LOXHD1: variants seen among roughly 807,000 people sequenced by gnomAD.
LOXHD1 encodes lipoxygenase homology PLAT domains 1, also known as lipoxygenase homology domain-containing protein 1.
Under a neutral mutation model 248.2 loss-of-function variants are expected in LOXHD1, and 205 were observed. That is an observed-to-expected ratio of 0.83 (90% CI 0.74 to 0.93). The LOEUF (loss-of-function observed/expected upper bound fraction) is 0.93, where lower values mean the gene tolerates loss of function less well. LOXHD1 is among the 40% of genes least tolerant of loss of function. The probability of loss-of-function intolerance (pLI) is 0.00; values close to 1 mark genes in which losing one functional copy is unlikely to be tolerated. For synonymous variants in LOXHD1, 1,113 were observed against 1,162.8 expected, an observed-to-expected ratio of 0.96 and a Z score of 0.87; for missense variants, 2,930 against 2,971.6, an observed-to-expected ratio of 0.99 and a Z score of 0.33.
Position 46,656,922 on chromosome 18 carries a change from C to CGTG in LOXHD1, c.109_111dup (p.His37dup). 1 of 1,551,584 alleles carries CGTG rather than the reference C, an allele frequency of 6.4e-7. No individual in the cohort carries two copies. Among genetic ancestry groups the CGTG allele is most frequent in the Non-Finnish European group, 8.7e-7 (1 of 1,146,910 alleles). ...CCCGCACCTCTGGCCTTGTAGTACTCGTGTTCCAGCTCCCCCTCGTCGTCC... is the reference window on the plus strand; with the variant it reads ...CCCGCACCTCTGGCCTTGTAGTACTCGTGGTGTTCCAGCTCCCCCTCGTCGTCC... On this transcript the variant is annotated inframe_insertion, in exon 1 of 41. Coordinates refer to ENST00000642948, the MANE Select transcript of LOXHD1 (RefSeq NM_001384474.1).
Position 46,488,997 on chromosome 18 carries a change from CTTG to C in LOXHD1, c.6021_6023del (p.Asn2007del), listed in dbSNP as rs1368964620. 5.2e-6 allele frequency: 8 copies of C among 1,551,562 alleles called. No homozygotes were observed. Among genetic ancestry groups the C allele is most frequent in the South Asian group, 4.8e-5 (4 of 84,054 alleles). ...TGGTCTCTTCCAGCTCATCACAGAT[CTTG>C]TTGTTGGCACAGGCAAAGTCGCGGA... On this transcript the variant is annotated inframe_deletion, in exon 38 of 41. Coordinates refer to ENST00000642948, the MANE Select transcript of LOXHD1 (RefSeq NM_001384474.1).
intron 18 of LOXHD1, 146 bp from the exon 19 acceptor site, chr18:46,560,691 T>TCCA (rs1332533289): frequency 1.4e-6 from 1 of 727,158 alleles, no homozygotes; most frequent in East Asian, 2.7e-5. Context: ...CTCAGATCCT[T>TCCA]CCACCACCTC....
intron 8 of LOXHD1, among the ~76,000 whole-genome samples, 193 bp from the exon 9 acceptor site, chr18:46,594,659 G>A (rs2038231025): frequency 6.6e-6 from 1 of 152,090 alleles, no homozygotes; most frequent in Non-Finnish European, 1.5e-5. Flanking sequence ...TTCCAAAGTA[G>A]GTATCACCCA....
In LOXHD1 at chr18:46,604,154, C is replaced by T. The variant is rs994373668; in HGVS notation, c.835G>A (p.Asp279Asn). 22 of 1,551,740 alleles carry T rather than the reference C, an allele frequency of 1.4e-5. No homozygotes were observed. Among genetic ancestry groups the T allele is most frequent in the Non-Finnish European group, 1.8e-5 (21 of 1,146,996 alleles). The stretch of plus-strand genomic sequence containing the variant: ...AAGATATCCCTTTGGATTTTGCCAT[C>T]GTCTTCGTCCAAGGCCAGCCAGCGG... ...LNRWLALDED[D>N]GKIQRDILVG... is the part of the protein sequence containing the mutation. The change falls in exon 7 of 41, where the codon GAT becomes AAT. Residue 279 changes from aspartate to asparagine, a missense_variant. Transcript: ENST00000642948.
intron 1 of LOXHD1, among the ~76,000 whole-genome samples, chr18:46,653,529 A>G (rs745588134): frequency 4.6e-5 from 7 of 152,346 alleles, no homozygotes; most frequent in Non-Finnish European, 8.8e-5. Flanking sequence ...TGTGGAGGAC[A>G]CAGAATTCTG....
At chr18:46,578,842 A>T (rs1042708817) in intron 13 of LOXHD1, among the ~76,000 whole-genome samples, 3 of 152,192 alleles carry the variant, frequency 2.0e-5, no homozygotes, top group African/African-American at 4.8e-5. Context: ...ACAACAGCCC[A>T]CCACAGGTAG....
intron 4 of LOXHD1, among the ~76,000 whole-genome samples, chr18:46,633,876 C>T (rs1475103482): frequency 6.6e-6 from 1 of 152,220 alleles, no homozygotes; most frequent in Non-Finnish European, 1.5e-5. Context: ...AGATTCTCAA[C>T]ATCACTAATC....
intron 37 of LOXHD1, among the ~76,000 whole-genome samples, chr18:46,503,226 A>T (rs932363169): frequency 1.3e-5 from 2 of 152,184 alleles, no homozygotes; most frequent in Admixed American, 1.3e-4. Context: ...GCAGGGACAT[A>T]GTTCTTGGGA....
At chr18:46,582,613 T>C (rs1321791587) in intron 12 of LOXHD1, among the ~76,000 whole-genome samples, 1 of 152,164 alleles carries the variant, frequency 6.6e-6, no homozygotes, top group Non-Finnish European at 1.5e-5. Context: ...TTAAATGTAT[T>C]ACATTAAATT....
rs1196639158 is a variant in LOXHD1, at chr18:46,647,625, C to T, written c.245+1530G>A. 5.9e-5 allele frequency among the ~76,000 whole-genome samples: 9 copies of T among 152,158 alleles called. No homozygotes were observed. In the South Asian group the frequency reaches 1.0e-3, roughly 18 times the overall value. The stretch of plus-strand genomic sequence containing the variant: ...CATCGGACGGAAAGACTTCTGCAAG[C>T]GAGTCAAACTGCAGTGTAAGCGGTA... On this transcript the variant is annotated intron_variant, in intron 2 of 40. Coordinates refer to ENST00000642948, the MANE Select transcript of LOXHD1 (RefSeq NM_001384474.1).
In LOXHD1 at chr18:46,529,319, G is replaced by A. The variant is rs761031932; in HGVS notation, c.4388C>T (p.Ser1463Leu). ...AATGTTCCCTGTGAAGATCTGCACC[G>A]AGTACAGCACAACTGGGCAGGTGGT... ...VEEPLDIVLYSVQIFTGNIPG... is the reference protein window; with the variant it reads ...VEEPLDIVLYLVQIFTGNIPG... The change falls in exon 29 of 41, where the codon TCG becomes TTG. Residue 1463 changes from serine to leucine, a missense_variant. Ser to Leu is a moderately radical substitution (Grantham distance 145). Coordinates refer to ENST00000642948, the MANE Select transcript of LOXHD1 (RefSeq NM_001384474.1). 8.4e-6 allele frequency: 13 copies of A among 1,547,452 alleles called. No individual in the cohort carries two copies. The highest frequency in any genetic ancestry group is 4.9e-5 in the East Asian group (2 of 40,800).
chr18:46,588,185 G>A (rs1421950415), intron 12 of LOXHD1, among the ~76,000 whole-genome samples: 1 of 151,924 alleles, frequency 6.6e-6, no homozygotes, highest in African/African-American at 2.4e-5. Context: ...ACTTGTAGAG[G>A]TGAGTGAGGA....
intron 3 of LOXHD1, among the ~76,000 whole-genome samples, chr18:46,641,098 A>G (rs568683770): frequency 6.6e-6 from 1 of 151,784 alleles, no homozygotes; most frequent in Admixed American, 6.6e-5. Flanking sequence ...TCTCCCCTGC[A>G]AGAGCCCTTT....
At chr18:46,639,831 C>G (rs750978640) in intron 3 of LOXHD1, 31 bp from the exon 4 acceptor site, 10 of 1,551,222 alleles carry the variant, frequency 6.4e-6, no homozygotes, top group African/African-American at 1.4e-5. Context: ...CACACCATCA[C>G]TGGCAGAACT....
intron 37 of LOXHD1, among the ~76,000 whole-genome samples, chr18:46,492,115 A>AGGTGGC (rs199794758): frequency 0.34 from 52,245 of 151,996 alleles, 9,518 homozygotes; most frequent in East Asian, 0.7. Flanking sequence ...ACTATGAAAC[A>AGGTGGC]TCTGGCAGGC....
rs1397709832 is a variant in LOXHD1 at position 46,563,181 on chromosome 18, C to T, written c.2482G>A (p.Ala828Thr). The change falls in exon 18 of 41, where the codon GCA becomes ACA. Residue 828 changes from alanine to threonine, a missense_variant. Coordinates refer to ENST00000642948, the MANE Select transcript of LOXHD1 (RefSeq NM_001384474.1). ...ATGTAGACTCGGGCACTGGTGCCTG[C>T]GCCACCCACATCTCCTGTCCAAATC... ...VEIWTGDVGG[A>T]GTSARVYMQI... is the part of the protein sequence containing the mutation. 12 of 1,525,452 alleles carry T rather than the reference C, an allele frequency of 7.9e-6. No individual in the cohort carries two copies. The highest frequency in any genetic ancestry group is 5.0e-5 in the East Asian group (2 of 40,236). 94.5% of individuals were successfully genotyped at this position (1,525,452 alleles called of 1,614,324 possible). A position where few individuals can be genotyped will look rare whatever the true frequency, so the allele number is the denominator to read the frequency against.
chr18:46,617,268 T>C (rs1399726567), intron 5 of LOXHD1, among the ~76,000 whole-genome samples: 1 of 152,212 alleles, frequency 6.6e-6, no homozygotes, highest in African/African-American at 2.4e-5. Context: ...ACTGTACTGA[T>C]GAGCAAATTT....
chr18:46,610,409 G>C (rs2038488800), intron 6 of LOXHD1, among the ~76,000 whole-genome samples: 1 of 151,892 alleles, frequency 6.6e-6, no homozygotes, highest in Non-Finnish European at 1.5e-5. Context: ...GGGGGCTGGG[G>C]GGCTGGGGGA....
intron 37 of LOXHD1, among the ~76,000 whole-genome samples, chr18:46,500,839 C>T (rs1194212200): frequency 6.6e-6 from 1 of 152,016 alleles, no homozygotes; most frequent in Non-Finnish European, 1.5e-5. Flanking sequence ...ACATGTGTTC[C>T]TTCATTTTAA....
Sources: gnomAD v4.1 joint callset for allele counts (sites outside exome capture counted in the v4.1 genomes callset) on GRCh38, gnomAD v4.1.1 for gene constraint, MANE v1.5 for transcripts, NCBI Gene and HGNC (gene_info 2026-07-23, HGNC 2026-07-21) for gene names.